The following MRAP2 variants were observed in gnomAD, a reference collection of about 807,000 sequenced individuals.
MRAP2 encodes the protein melanocortin 2 receptor accessory protein 2.
MRAP2 carries 20 observed loss-of-function variants against 17.4 expected under a neutral mutation model. The ratio of observed to expected loss-of-function variants is 1.15; its 90% CI spans 0.81 to 1.67. The LOEUF (loss-of-function observed/expected upper bound fraction) is 1.67. Among genes scored for constraint, MRAP2 ranks in the 40% most tolerant of loss-of-function variants. MRAP2 has a pLI of 0.00. For missense variants in MRAP2, 238 were observed against 240.0 expected, an observed-to-expected ratio of 0.99 and a Z score of 0.05; for synonymous variants, 96 against 88.4, an observed-to-expected ratio of 1.09 and a Z score of -0.48.
the MRAP2 span, among the ~76,000 whole-genome samples, chr6:84,145,734 A>C: frequency 6.6e-6 from 1 of 152,114 alleles, no homozygotes; most frequent in South Asian, 2.1e-4. Flanking sequence ...GAATGACTTG[A>C]TATAAACTGC....
intron 3 of MRAP2, among the ~76,000 whole-genome samples, chr6:84,066,523 GA>G (rs2099494736): frequency 6.6e-6 from 1 of 152,102 alleles, no homozygotes; most frequent in African/African-American, 2.4e-5. Context: ...AATGTTAATA[GA>G]AAACAACTAA....
the MRAP2 span, chr6:84,124,398 A>G: frequency 1.3e-5 from 2 of 152,372 alleles, no homozygotes; most frequent in South Asian, 2.1e-4. Flanking sequence ...CAACTATAAA[A>G]AAGAATGAAA....
chr6:84,049,684 C>A (rs990083727), intron 1 of MRAP2, among the ~76,000 whole-genome samples: 22 of 152,146 alleles, frequency 1.4e-4, no homozygotes, highest in African/African-American at 4.3e-4. Flanking sequence ...GGAAGTTGAT[C>A]TTCTATTGGC....
At chr6:84,100,919 G>A in the MRAP2 span, among the ~76,000 whole-genome samples, 2 of 152,110 alleles carry the variant, frequency 1.3e-5, no homozygotes, top group Middle Eastern at 3.2e-3. Context: ...CCTGCATATT[G>A]TCAAGGCATC....
intron 1 of MRAP2, among the ~76,000 whole-genome samples, chr6:84,047,089 T>C (rs1209376042): frequency 1.3e-5 from 2 of 152,112 alleles, no homozygotes; most frequent in Non-Finnish European, 2.9e-5. Flanking sequence ...TCTGGGGTTC[T>C]CTTTTGCTTT....
intron 3 of MRAP2, among the ~76,000 whole-genome samples, chr6:84,076,336 G>C (rs2099497606): frequency 6.6e-6 from 1 of 151,582 alleles, no homozygotes; most frequent in East Asian, 1.9e-4. Flanking sequence ...TGATTCTCCT[G>C]CCTCAGCCTC....
intron 1 of MRAP2, among the ~76,000 whole-genome samples, chr6:84,051,081 T>TA (rs1056992742): frequency 6.6e-5 from 10 of 152,212 alleles, no homozygotes; most frequent in African/African-American, 2.4e-4. Context: ...TGCTGATGTT[T>TA]ACCCCTTAAC....
chr6:84,121,432 T>C, the MRAP2 span, among the ~76,000 whole-genome samples: 1 of 152,104 alleles, frequency 6.6e-6, no homozygotes, highest in Non-Finnish European at 1.5e-5. Context: ...TCACCTGAGG[T>C]CAGGAGTTCA....
intron 3 of MRAP2, among the ~76,000 whole-genome samples, chr6:84,073,766 T>C (rs2099496842): frequency 6.6e-6 from 1 of 152,166 alleles, no homozygotes; most frequent in Non-Finnish European, 1.5e-5. Context: ...AGTGTCTGCC[T>C]CCTGGGATTA....
intron 2 of MRAP2, among the ~76,000 whole-genome samples, chr6:84,058,180 T>C (rs1156705377): frequency 6.6e-6 from 1 of 152,194 alleles, no homozygotes; most frequent in African/African-American, 2.4e-5. Flanking sequence ...CAGATCACTC[T>C]GCAACTGCGG....
chr6:84,144,311 T>A, the MRAP2 span, among the ~76,000 whole-genome samples: 1 of 152,048 alleles, frequency 6.6e-6, no homozygotes, highest in Non-Finnish European at 1.5e-5. Flanking sequence ...GTTCCAGAAG[T>A]TGTATACAAT....
the MRAP2 span, chr6:84,125,008 G>T: frequency 1.6e-6 from 2 of 1,231,322 alleles, no homozygotes; most frequent in Admixed American, 2.0e-5. Context: ...TGTCCTGACA[G>T]TGGCACAATC....
chr6:84,063,064 G>A, intron 3 of MRAP2, 72 bp downstream of exon 3: 1 of 1,599,400 alleles, frequency 6.3e-7, no homozygotes, highest in Non-Finnish European at 8.5e-7. Flanking sequence ...TACTACCCAG[G>A]GCCGGAGGTG....
At chr6:84,061,284 G>A (rs1259753723) in intron 2 of MRAP2, among the ~76,000 whole-genome samples, 1 of 152,122 alleles carries the variant, frequency 6.6e-6, no homozygotes, top group Non-Finnish European at 1.5e-5. Context: ...CTTATTTTTA[G>A]AAAATTGCTA....
At chr6:84,125,465 T>C in the MRAP2 span, among the ~76,000 whole-genome samples, 1 of 152,236 alleles carries the variant, frequency 6.6e-6, no homozygotes, top group South Asian at 2.1e-4. Context: ...GGACTAAATG[T>C]TTGTGTCCCC....
At chr6:84,110,158 T>A in the MRAP2 span, among the ~76,000 whole-genome samples, 1 of 152,136 alleles carries the variant, frequency 6.6e-6, no homozygotes, top group African/African-American at 2.4e-5. Context: ...CCTTGAGGAA[T>A]TGCCATACTG....
rs148711034 is a variant in MRAP2, at chr6:84,062,711, G to A, written c.128-182G>A. On this transcript the variant is annotated intron_variant, in intron 2 of 3. Transcript: ENST00000257776. The stretch of plus-strand genomic sequence containing the variant: ...CTATCTGAGACAGAAACCTGGAGGC[G>A]GAGCAGACTCTTCCCTCCTCCTCAT... 1,735 of 985,350 alleles carry A rather than the reference G, an allele frequency of 1.8e-3. 23 individuals carry two copies. The African/African-American group carries it at 0.027, about 15-fold the overall frequency. 61.0% of individuals were successfully genotyped at this position (985,350 alleles called of 1,614,324 possible).
the MRAP2 span, among the ~76,000 whole-genome samples, chr6:84,108,812 T>C: frequency 3.3e-5 from 5 of 152,210 alleles, no homozygotes; most frequent in Admixed American, 3.3e-4. Flanking sequence ...TTTGAGGATT[T>C]ACATTTAAGT....
the MRAP2 span, among the ~76,000 whole-genome samples, chr6:84,114,184 G>A: frequency 6.6e-6 from 1 of 152,076 alleles, no homozygotes. Context: ...TTCCAACTTG[G>A]TTCCATTCTC....
Sources: gnomAD v4.1 joint callset for allele counts (sites outside exome capture counted in the v4.1 genomes callset) on GRCh38, gnomAD v4.1.1 for gene constraint, MANE v1.5 for transcripts, NCBI Gene and HGNC (gene_info 2026-07-23, HGNC 2026-07-21) for gene names.